PPP2R1B: variants seen among roughly 807,000 people sequenced by gnomAD.
The protein encoded by PPP2R1B is serine/threonine-protein phosphatase 2A 65 kDa regulatory subunit A beta isoform.
Under a neutral mutation model 72.7 loss-of-function variants are expected in PPP2R1B, and 58 were observed. The observed-to-expected ratio is 0.80, with a 90% CI of 0.65 to 0.99. PPP2R1B has a LOEUF of 0.99. Among genes scored for constraint, PPP2R1B ranks in the 50% least tolerant of loss-of-function variants. The probability of loss-of-function intolerance (pLI) is 0.00; values close to 1 mark genes in which losing one functional copy is unlikely to be tolerated. For synonymous variants in PPP2R1B, 256 were observed against 264.6 expected (o/e 0.97, Z 0.32); for missense variants, 695 against 733.6 (o/e 0.95, Z 0.61).
chr11:111,756,058 A>C (rs1368612789), intron 5 of PPP2R1B, among the ~76,000 whole-genome samples: 1 of 151,902 alleles, frequency 6.6e-6, no homozygotes, highest in Non-Finnish European at 1.5e-5. Flanking sequence ...AATACAAAAA[A>C]AATTAGCCAG....
intron 11 of PPP2R1B, among the ~76,000 whole-genome samples, chr11:111,746,330 T>A (rs192333921): frequency 2.2e-4 from 34 of 152,262 alleles, no homozygotes; most frequent in Middle Eastern, 3.4e-3. Context: ...TGCAGGGACA[T>A]GGATGAAGCT....
the PPP2R1B span, among the ~76,000 whole-genome samples, chr11:111,715,603 T>C: frequency 2.6e-5 from 4 of 152,132 alleles, no homozygotes; most frequent in African/African-American, 9.7e-5. Flanking sequence ...CTTTCTGAGA[T>C]AGTTGCCCAA....
chr11:111,717,295 G>GCGA, the PPP2R1B span, among the ~76,000 whole-genome samples: 10 of 119,232 alleles, frequency 8.4e-5, no homozygotes, highest in South Asian at 2.3e-3. Context: ...CAGAGCCTGG[G>GCGA]CGACAGAGCG....
Position 111,754,515 on chromosome 11 carries a change from A to T in PPP2R1B, c.1013T>A (p.Ile338Asn). The change falls in exon 8 of 15, where the codon ATT becomes AAT. Residue 338 changes from isoleucine (I) to asparagine (N), a missense_variant. Transcript: ENST00000527614. Reference protein sequence around the residue: ...EDRETIIMNQILPYIKELVSD... With the variant: ...EDRETIIMNQNLPYIKELVSD... The stretch of plus-strand genomic sequence containing the variant: ...CAGGTTTACCTTTATATAAGGCAGA[A>T]TTTGATTCATAATTATGGTCTCTCT... 6.2e-7 allele frequency: 1 copy of T among 1,603,298 alleles called. No individual in the cohort carries two copies. Among genetic ancestry groups the T allele is most frequent in the Non-Finnish European group, 8.5e-7 (1 of 1,177,534 alleles).
intron 3 of PPP2R1B, among the ~76,000 whole-genome samples, chr11:111,761,779 T>G (rs1271518292): frequency 1.3e-5 from 2 of 152,102 alleles, no homozygotes; most frequent in Non-Finnish European, 2.9e-5. Flanking sequence ...GCCAACATGG[T>G]GGAACCCTGT....
At chr11:111,758,712 GTTTGAAAGGGAA>G (rs1945219983) in intron 5 of PPP2R1B, among the ~76,000 whole-genome samples, 1 of 152,140 alleles carries the variant, frequency 6.6e-6, no homozygotes, top group Non-Finnish European at 1.5e-5. Flanking sequence ...GAGAGATTGT[GTTTGAAAGGGAA>G]TCCATGGAGG....
the PPP2R1B span, among the ~76,000 whole-genome samples, chr11:111,705,876 T>A: frequency 6.6e-6 from 1 of 151,840 alleles, no homozygotes; most frequent in South Asian, 2.1e-4. This position sits in a 1 kb window ranked among gnomAD's most constrained non-coding sequence, Gnocchi z 4.3. Context: ...GTTAGGAGAG[T>A]GTTACAGTAG....
the PPP2R1B span, among the ~76,000 whole-genome samples, chr11:111,696,938 C>T: frequency 2.0e-5 from 3 of 152,320 alleles, no homozygotes; most frequent in Non-Finnish European, 4.4e-5. Context: ...CAGAAAGCTG[C>T]AGACTGGGTG....
At chr11:111,747,260 A>C (rs1944735449) in intron 11 of PPP2R1B, among the ~76,000 whole-genome samples, 1 of 152,182 alleles carries the variant, frequency 6.6e-6, no homozygotes, top group Non-Finnish European at 1.5e-5. Context: ...GAGACGGTAC[A>C]TCTGTCACCC....
At chr11:111,742,302 C>A in intron 13 of PPP2R1B, 158 bp from the exon 14 acceptor site, 1 of 606,242 alleles carries the variant, frequency 1.6e-6, no homozygotes, top group Non-Finnish European at 2.5e-6. Context: ...AAGAAATTCT[C>A]AGCAAAATCA....
At chr11:111,715,782 G>C in the PPP2R1B span, among the ~76,000 whole-genome samples, 1 of 139,906 alleles carries the variant, frequency 7.1e-6, no homozygotes, top group Admixed American at 7.2e-5. Context: ...GCACACTTGA[G>C]TCATTTTTAG....
At chr11:111,722,686 G>C (rs1293854124), downstream of PPP2R1B, 1 of 1,613,952 alleles carries the variant, frequency 6.2e-7, no homozygotes, top group African/African-American at 1.3e-5. This position sits in a 1 kb window ranked among gnomAD's most constrained non-coding sequence, Gnocchi z 4.4. Context: ...TCTGTCAAAG[G>C]CCCAGAACAC....
the PPP2R1B span, among the ~76,000 whole-genome samples, chr11:111,697,038 A>G: frequency 5.3e-5 from 8 of 152,288 alleles, no homozygotes; most frequent in African/African-American, 1.9e-4. Flanking sequence ...GACAATTATT[A>G]ACTTCTTCAA....
the PPP2R1B span, among the ~76,000 whole-genome samples, chr11:111,707,280 A>G: frequency 2.6e-5 from 4 of 152,216 alleles, no homozygotes; most frequent in African/African-American, 9.6e-5. Flanking sequence ...TTATATAAAC[A>G]GTTGTTCCTG....
chr11:111,746,472 CA>C (rs1276028900), intron 11 of PPP2R1B, among the ~76,000 whole-genome samples: 5 of 152,034 alleles, frequency 3.3e-5, no homozygotes, highest in African/African-American at 4.8e-5. Flanking sequence ...TGAGGCCTAT[CA>C]GGGGGTGAGG....
the PPP2R1B span, chr11:111,701,318 A>G: frequency 1.6e-6 from 2 of 1,257,838 alleles, no homozygotes; most frequent in Non-Finnish European, 2.2e-6. This position sits in a 1 kb window ranked among gnomAD's most constrained non-coding sequence, Gnocchi z 4.2. Flanking sequence ...ATTTTTTTCA[A>G]ATTCTGAGAA....
At chr11:111,695,044 T>C in the PPP2R1B span, among the ~76,000 whole-genome samples, 1 of 152,204 alleles carries the variant, frequency 6.6e-6, no homozygotes, top group African/African-American at 2.4e-5. Flanking sequence ...AAAGTATGCA[T>C]TGACGTCAGT....
the PPP2R1B span, among the ~76,000 whole-genome samples, chr11:111,717,060 A>T: frequency 6.6e-6 from 1 of 152,168 alleles, no homozygotes; most frequent in Non-Finnish European, 1.5e-5. Flanking sequence ...CACGCCCGTA[A>T]TCCCAGCACT....
At position 111,753,514 on chromosome 11, in the gene PPP2R1B, A is replaced by T; in HGVS notation, c.1093T>A (p.Ser365Thr). ...GTATTTTCTTTGCCCAAAATAGTAG[A>T]CAATCCCATAATTACAGAAGCTAGA... ...SALASVIMGL[S>T]TILGKENTIE... The change falls in exon 9 of 15, where the codon TCT becomes ACT. Residue 365 changes from serine to threonine, a missense_variant. By Grantham distance (58) the Ser-to-Thr change is moderately conservative. Transcript: ENST00000527614. 6.2e-7 allele frequency: 1 copy of T among 1,613,114 alleles called. No homozygotes were observed. Among genetic ancestry groups the T allele is most frequent in the Non-Finnish European group, 8.5e-7 (1 of 1,179,148 alleles).
Sources: allele counts gnomAD v4.1 joint callset (sites outside exome capture counted in the v4.1 genomes callset), GRCh38; gene constraint gnomAD v4.1.1; non-coding constraint Gnocchi (gnomAD v3.1); transcripts MANE v1.5; gene names NCBI Gene and HGNC (gene_info 2026-07-23, HGNC 2026-07-21).